The following NAA11 variants were observed in gnomAD, a reference collection of about 807,000 sequenced individuals.
NAA11 encodes N-alpha-acetyltransferase 11, NatA catalytic subunit, also known as N-alpha-acetyltransferase 11.
Under a neutral mutation model 16.1 loss-of-function variants are expected in NAA11, and 15 were observed. The observed-to-expected ratio is 0.93, with a 90% CI of 0.62 to 1.44. The LOEUF (loss-of-function observed/expected upper bound fraction) is 1.44, where lower values mean the gene tolerates loss of function less well. Among genes scored for constraint, NAA11 ranks in the 40% most tolerant of loss-of-function variants. NAA11 has a pLI of 0.00. For missense variants in NAA11, 298 were observed against 291.3 expected, an observed-to-expected ratio of 1.02 and a Z score of -0.17; for synonymous variants, 122 against 112.4, an observed-to-expected ratio of 1.09 and a Z score of -0.54.
chr4:79,254,286 A>T (rs1053704646), intron 2 of NAA11, among the ~76,000 whole-genome samples: 1 of 152,224 alleles, frequency 6.6e-6, no homozygotes. Flanking sequence ...ACATTTTCAT[A>T]TCTATCAAGG....
At chr4:79,287,362 CATAA>C (rs1181294609) in intron 2 of NAA11, among the ~76,000 whole-genome samples, 1 of 152,086 alleles carries the variant, frequency 6.6e-6, no homozygotes, top group Non-Finnish European at 1.5e-5. Flanking sequence ...ATCATAACAT[CATAA>C]ATAGTGTTCA....
downstream of NAA11, among the ~76,000 whole-genome samples, chr4:79,313,257 T>G (rs149825447): frequency 0.012 from 1,872 of 151,658 alleles, 27 homozygotes; most frequent in Non-Finnish European, 0.019. Flanking sequence ...ACAATGCAGG[T>G]TTTTTTTTAC....
intron 1 of NAA11, among the ~76,000 whole-genome samples, chr4:79,320,181 ACT>A (rs1396999578): frequency 6.6e-6 from 1 of 152,048 alleles, no homozygotes; most frequent in South Asian, 2.1e-4. Context: ...CTCCCAAGAA[ACT>A]CTGCCGTTGA....
intron 2 of NAA11, among the ~76,000 whole-genome samples, chr4:79,282,088 C>T (rs1441891569): frequency 1.3e-5 from 2 of 152,082 alleles, no homozygotes; most frequent in Non-Finnish European, 2.9e-5. Context: ...TTCTAAAGAT[C>T]TAGGGACAAA....
At chr4:79,262,659 T>C (rs1479796227) in intron 2 of NAA11, among the ~76,000 whole-genome samples, 2 of 152,168 alleles carry the variant, frequency 1.3e-5, no homozygotes, top group Non-Finnish European at 2.9e-5. Context: ...GAGTCTGTGT[T>C]CTTGAGTGGC....
Position 79,325,936 on chromosome 4 carries a change from A to C in NAA11, c.-59T>G. On this transcript the variant is annotated 5_prime_UTR_variant, in exon 1 of 2. Coordinates refer to ENST00000286794, the MANE Select transcript of NAA11 (RefSeq NM_032693.3). ...GTGAACCCAGAAGAGGCTGTCGCCG[A>C]CCTTAAGGGGCACTGTTTGCCTCAG... The C allele has an allele frequency of 6.8e-7, 1 of 1,467,222 alleles. No homozygotes were observed. The highest frequency in any genetic ancestry group is 1.3e-5 in the South Asian group (1 of 75,750). 90.9% of individuals were successfully genotyped at this position (1,467,222 alleles called of 1,614,324 possible).
chr4:79,206,764 T>C, the NAA11 span, among the ~76,000 whole-genome samples: 1 of 152,146 alleles, frequency 6.6e-6, no homozygotes, highest in Non-Finnish European at 1.5e-5. Context: ...GGTAGATGCG[T>C]CAAGTTATAA....
chr4:79,163,267 A>G, the NAA11 span, among the ~76,000 whole-genome samples: 4 of 152,130 alleles, frequency 2.6e-5, 1 homozygote, highest in Non-Finnish European at 5.9e-5. Context: ...CTGAATGTGC[A>G]TTTCCGCAGT....
the NAA11 span, among the ~76,000 whole-genome samples, chr4:79,157,120 A>G: frequency 1.3e-5 from 2 of 152,058 alleles, no homozygotes; most frequent in African/African-American, 2.4e-5. Flanking sequence ...TTTTATTTCC[A>G]TAGGTTTTTG....
the NAA11 span, among the ~76,000 whole-genome samples, chr4:79,185,123 T>C: frequency 5.3e-5 from 8 of 152,124 alleles, no homozygotes; most frequent in Non-Finnish European, 7.4e-5. Flanking sequence ...CTATAAGAGA[T>C]TTTTTATTCA....
the NAA11 span, among the ~76,000 whole-genome samples, chr4:79,218,951 C>A: frequency 7.9e-4 from 120 of 152,014 alleles, 2 homozygotes; most frequent in South Asian, 0.022. Flanking sequence ...TTTTATTACA[C>A]CTTTTTTGTT....
chr4:79,264,522 TTC>T (rs1215286514), intron 2 of NAA11, among the ~76,000 whole-genome samples: 1 of 152,152 alleles, frequency 6.6e-6, no homozygotes, highest in East Asian at 1.9e-4. Context: ...TTTCTTCTTA[TTC>T]TCTTTGCATG....
the NAA11 span, among the ~76,000 whole-genome samples, chr4:79,161,412 T>G: frequency 6.6e-6 from 1 of 152,226 alleles, no homozygotes; most frequent in South Asian, 2.1e-4. Context: ...GCATACTGTT[T>G]TGATTACTAT....
intron 1 of NAA11, among the ~76,000 whole-genome samples, chr4:79,318,826 A>C (rs1724006941): frequency 6.6e-6 from 1 of 152,218 alleles, no homozygotes; most frequent in African/African-American, 2.4e-5. Flanking sequence ...ATTAAACTGA[A>C]AAAGTCAAAT....
At chr4:79,191,166 A>G in the NAA11 span, among the ~76,000 whole-genome samples, 2 of 152,182 alleles carry the variant, frequency 1.3e-5, no homozygotes, top group African/African-American at 2.4e-5. Flanking sequence ...AGAATGATTT[A>G]TATTCCTCTG....
intron 1 of NAA11, among the ~76,000 whole-genome samples, chr4:79,305,798 T>A (rs1392657980): frequency 6.6e-6 from 1 of 152,196 alleles, no homozygotes; most frequent in Non-Finnish European, 1.5e-5. Flanking sequence ...TGAAAGACTC[T>A]CAAATGGTAT....
At chr4:79,305,546 G>A (rs544413335) in intron 1 of NAA11, among the ~76,000 whole-genome samples, 219 of 152,254 alleles carry the variant, frequency 1.4e-3, no homozygotes, top group African/African-American at 5.0e-3. Context: ...GTAGGATGCT[G>A]GCACATGTTC....
At chr4:79,297,420 A>G (rs1723255276) in intron 1 of NAA11, among the ~76,000 whole-genome samples, 1 of 152,116 alleles carries the variant, frequency 6.6e-6, no homozygotes, top group Non-Finnish European at 1.5e-5. Flanking sequence ...CACTCCATGG[A>G]GTGGGCGAGA....
At chr4:79,178,373 G>T in the NAA11 span, among the ~76,000 whole-genome samples, 15 of 152,276 alleles carry the variant, frequency 9.9e-5, no homozygotes, top group African/African-American at 3.6e-4. Context: ...CTTCTCCAGA[G>T]AATATGAGAA....
Sources: gnomAD v4.1 joint callset for allele counts (sites outside exome capture counted in the v4.1 genomes callset) on GRCh38, gnomAD v4.1.1 for gene constraint, MANE v1.5 for transcripts, NCBI Gene and HGNC (gene_info 2026-07-23, HGNC 2026-07-21) for gene names.